Variants in ARHGAP6 observed in about 807,000 individuals in gnomAD.
The protein encoded by ARHGAP6 is rho GTPase-activating protein 6.
A neutral mutation model predicts 55.7 loss-of-function variants in ARHGAP6; 16 were observed. That is an observed-to-expected ratio of 0.29 (90% CI 0.19 to 0.44). The LOEUF is 0.44. ARHGAP6 is among the 20% of genes least tolerant of loss of function. The probability of loss-of-function intolerance (pLI) is 1.00; values close to 1 mark genes in which losing one functional copy is unlikely to be tolerated. For synonymous variants in ARHGAP6, 382 were observed against 360.9 expected, an observed-to-expected ratio of 1.06 and a Z score of -0.66; for missense variants, 698 against 808.9, an observed-to-expected ratio of 0.86 and a Z score of 1.66.
chrX:11,386,833 G>A (rs2049334142), intron 1 of ARHGAP6, among the ~76,000 whole-genome samples: 2 of 111,974 alleles, frequency 1.8e-5, no homozygotes, highest in South Asian at 3.7e-4. Context: ...GCAAGTGATG[G>A]TGGTAAACAT....
intron 1 of ARHGAP6, among the ~76,000 whole-genome samples, chrX:11,357,542 G>A (rs1184931832): frequency 9.0e-6 from 1 of 111,585 alleles, no homozygotes; most frequent in Non-Finnish European, 1.9e-5. Context: ...AATTTTATGT[G>A]TTTGGGTCAG....
Position 11,234,956 on chromosome X carries a change from C to T in ARHGAP6, c.748+19592G>A, listed in dbSNP as rs2047180177. The stretch of plus-strand genomic sequence containing the variant: ...GAAAGAAGCCAATCTGAAGAGGCTG[C>T]AGCCTGTATGATTCCTGCTATATAG... On this transcript the variant is annotated intron_variant, in intron 2 of 12. Transcript: ENST00000337414. Among the ~76,000 whole-genome samples the T allele has an allele frequency of 3.6e-5, 4 of 112,519 alleles. No individual in the cohort carries two copies. The Admixed American group carries it at 3.7e-4, about 11-fold the overall frequency.
At chrX:11,642,904 GT>G (rs779348079) in intron 1 of ARHGAP6, among the ~76,000 whole-genome samples, 11 of 110,837 alleles carry the variant, frequency 9.9e-5, no homozygotes, top group East Asian at 5.7e-4. Context: ...CAATAAAGCT[GT>G]TTTTTTTAAA....
rs753341563 is a variant in ARHGAP6, at chrX:11,194,332, G to T, written c.820+2593C>A. Among the ~76,000 whole-genome samples the T allele has an allele frequency of 1.0e-3, 115 of 111,961 alleles. 1 individual carries two copies. The highest frequency in any genetic ancestry group is 3.6e-3 in the African/African-American group (111 of 30,837). On this transcript the variant is annotated intron_variant, in intron 3 of 12. Coordinates refer to ENST00000337414, the MANE Select transcript of ARHGAP6 (RefSeq NM_013427.3). ...GCAGATTCTGCTGTGACAGAATGTGGCCTGGTGAGTATCCTAGTTAATATG... is the reference window on the plus strand; with the variant it reads ...GCAGATTCTGCTGTGACAGAATGTGTCCTGGTGAGTATCCTAGTTAATATG...
rs182112255 is a variant in ARHGAP6, at chrX:11,531,181, A to T, written c.588+133060T>A. Among the ~76,000 whole-genome samples, 11 of 111,489 alleles carry T rather than the reference A, an allele frequency of 9.9e-5. No individual in the cohort carries two copies. The East Asian group carries it at 3.1e-3, about 31-fold the overall frequency. ...TACTGCATCTAATTTACATATAAAAAATCTAGGATGTTCATCAACTTGCCT... is the reference window on the plus strand; with the variant it reads ...TACTGCATCTAATTTACATATAAAATATCTAGGATGTTCATCAACTTGCCT... On this transcript the variant is annotated intron_variant, in intron 1 of 12. Coordinates refer to ENST00000337414, the MANE Select transcript of ARHGAP6 (RefSeq NM_013427.3).
intron 1 of ARHGAP6, among the ~76,000 whole-genome samples, chrX:11,649,017 G>A (rs1006822925): frequency 8.9e-6 from 1 of 112,325 alleles, no homozygotes; most frequent in African/African-American, 3.2e-5. Context: ...ACATTCTCCA[G>A]CTTCCCTTCC....
intron 3 of ARHGAP6, 124 bp from the exon 4 acceptor site, chrX:11,189,108 A>G: frequency 2.4e-6 from 2 of 848,490 alleles, no homozygotes; most frequent in Non-Finnish European, 3.2e-6. Context: ...GAATTGACTC[A>G]TCAATCAAAA....
intron 1 of ARHGAP6, among the ~76,000 whole-genome samples, chrX:11,625,110 C>T (rs1161688038): frequency 9.0e-6 from 1 of 111,461 alleles, no homozygotes; most frequent in African/African-American, 3.3e-5. Flanking sequence ...TTTTCAAAAA[C>T]TAAAAATAGA....
At chrX:11,191,902 G>T (rs2046466670) in intron 3 of ARHGAP6, among the ~76,000 whole-genome samples, 1 of 111,494 alleles carries the variant, frequency 9.0e-6, no homozygotes, top group East Asian at 2.8e-4. Context: ...CTACATTCTT[G>T]CCCCTTTTTC....
At chrX:11,359,895 G>A (rs1305230078) in intron 1 of ARHGAP6, among the ~76,000 whole-genome samples, 8 of 111,488 alleles carry the variant, frequency 7.2e-5, no homozygotes, top group Admixed American at 2.9e-4. Flanking sequence ...CAAATAAACT[G>A]GAAAATCTAG....
intron 1 of ARHGAP6, among the ~76,000 whole-genome samples, chrX:11,307,472 G>T (rs2048250074): frequency 8.9e-6 from 1 of 111,840 alleles, no homozygotes; most frequent in African/African-American, 3.3e-5. Flanking sequence ...CCTTCCATAG[G>T]GTCCTGACTA....
chrX:11,197,768 C>T (rs1279879799), intron 2 of ARHGAP6, among the ~76,000 whole-genome samples: 1 of 112,107 alleles, frequency 8.9e-6, no homozygotes, highest in African/African-American at 3.2e-5. Context: ...GCTTAACTCA[C>T]CAAATAATAA....
At chrX:11,484,547 G>T (rs892091597) in intron 1 of ARHGAP6, among the ~76,000 whole-genome samples, 5 of 98,715 alleles carry the variant, frequency 5.1e-5, no homozygotes, top group Non-Finnish European at 1.0e-4. Flanking sequence ...AGGAAGAAGA[G>T]AAGGAAAAAG....
At chrX:11,499,033 T>C (rs896785701) in intron 1 of ARHGAP6, among the ~76,000 whole-genome samples, 15 of 112,377 alleles carry the variant, frequency 1.3e-4, no homozygotes, top group African/African-American at 3.9e-4. Context: ...AGGGTACCTA[T>C]CAACTAAGTT....
rs888318462 is a variant in ARHGAP6, at chrX:11,517,971, T to A, written c.588+146270A>T. Among the ~76,000 whole-genome samples, 4 of 111,320 alleles carry A rather than the reference T, an allele frequency of 3.6e-5. No individual in the cohort carries two copies. In the South Asian group the frequency reaches 1.5e-3, roughly 43 times the overall value. On this transcript the variant is annotated intron_variant, in intron 1 of 12. Coordinates refer to ENST00000337414, the MANE Select transcript of ARHGAP6 (RefSeq NM_013427.3). ...GCACATCCGCACATGTACCCCGGAA[T>A]TTAAAATAAAAATAAAAACTTTAAA... is the stretch of plus-strand genomic sequence containing the variant.
chrX:11,395,154 G>T (rs1482582764), intron 1 of ARHGAP6, among the ~76,000 whole-genome samples: 3 of 111,438 alleles, frequency 2.7e-5, no homozygotes, highest in Non-Finnish European at 5.7e-5. Context: ...TTATGGACTT[G>T]GTTATCTCAT....
At chrX:11,280,143 G>T (rs2047836439) in intron 1 of ARHGAP6, among the ~76,000 whole-genome samples, 2 of 111,690 alleles carry the variant, frequency 1.8e-5, no homozygotes, top group Admixed American at 9.5e-5. Context: ...TCCAAGGTTG[G>T]GAAACACTGC....
intron 10 of ARHGAP6, among the ~76,000 whole-genome samples, chrX:11,153,969 C>T (rs2045827681): frequency 9.1e-6 from 1 of 110,085 alleles, no homozygotes; most frequent in South Asian, 4.0e-4. Flanking sequence ...CCCCCTCCCC[C>T]CATCCCACAA....
chrX:11,281,950 T>C (rs1005131624), intron 1 of ARHGAP6, among the ~76,000 whole-genome samples: 4 of 111,612 alleles, frequency 3.6e-5, no homozygotes, highest in African/African-American at 1.3e-4. Flanking sequence ...ATAAACAGAG[T>C]GTCTTGCCTT....
Sources: allele counts gnomAD v4.1 joint callset (sites outside exome capture counted in the v4.1 genomes callset), GRCh38; gene constraint gnomAD v4.1.1; transcripts MANE v1.5; gene names NCBI Gene and HGNC (gene_info 2026-07-23, HGNC 2026-07-21).